Variants in COL8A1 observed in about 807,000 individuals in gnomAD.
COL8A1 encodes collagen alpha-1(VIII) chain.
COL8A1 carries 21 observed loss-of-function variants against 42.7 expected under a neutral mutation model. That is an observed-to-expected ratio of 0.49 (90% CI 0.35 to 0.71). The LOEUF (loss-of-function observed/expected upper bound fraction) is 0.71, where lower values mean the gene tolerates loss of function less well. COL8A1 is among the 30% of genes least tolerant of loss of function. The pLI is 0.01. For synonymous variants in COL8A1, 367 were observed against 369.1 expected, an observed-to-expected ratio of 0.99 and a Z score of 0.06; for missense variants, 788 against 962.4, an observed-to-expected ratio of 0.82 and a Z score of 2.40.
At chr3:99,641,184 C>G (rs1400027629) in intron 1 of COL8A1, among the ~76,000 whole-genome samples, 1 of 151,984 alleles carries the variant, frequency 6.6e-6, no homozygotes, top group Non-Finnish European at 1.5e-5. Context: ...GAAAGAGAAG[C>G]TGGAGGAATC....
intron 1 of COL8A1, among the ~76,000 whole-genome samples, chr3:99,664,761 A>C (rs1160846544): frequency 2.0e-5 from 3 of 152,198 alleles, no homozygotes; most frequent in Non-Finnish European, 2.9e-5. Flanking sequence ...CCTGCTTTCC[A>C]TCGACTGAAG....
At chr3:99,650,414 G>C (rs182513825) in intron 1 of COL8A1, among the ~76,000 whole-genome samples, 165 of 152,140 alleles carry the variant, frequency 1.1e-3, no homozygotes, top group African/African-American at 3.8e-3. Flanking sequence ...GCCATGTATG[G>C]CTACTAAGGA....
Position 99,791,027 on chromosome 3 carries a change from A to G in COL8A1, c.328+17A>G. ...AAGGCAAAGGTAACATCATACTCCC[A>G]GGCTGTTATAAAACAACAGCTTTCC... On this transcript the variant is annotated intron_variant, in intron 3 of 3. Coordinates refer to ENST00000652472, the MANE Select transcript of COL8A1 (RefSeq NM_020351.4). 6.3e-7 allele frequency: 1 copy of G among 1,587,274 alleles called. No homozygotes were observed. The highest frequency in any genetic ancestry group is 2.3e-5 in the East Asian group (1 of 44,440).
chr3:99,711,599 G>T (rs1168773496), intron 1 of COL8A1, among the ~76,000 whole-genome samples: 1 of 152,076 alleles, frequency 6.6e-6, no homozygotes, highest in East Asian at 1.9e-4. Context: ...CCTAATACCT[G>T]GGGGATGTGG....
intron 2 of COL8A1, among the ~76,000 whole-genome samples, chr3:99,749,912 T>C (rs1197348833): frequency 6.6e-6 from 1 of 152,016 alleles, no homozygotes; most frequent in Non-Finnish European, 1.5e-5. Context: ...TATAAACTTT[T>C]ATACAATAAT....
At chr3:99,746,299 A>T (rs1288069104) in intron 2 of COL8A1, among the ~76,000 whole-genome samples, 5 of 152,202 alleles carry the variant, frequency 3.3e-5, no homozygotes, top group Non-Finnish European at 7.3e-5. Flanking sequence ...ATGCAAACCC[A>T]GGGAATAAAA....
chr3:99,686,911 C>T (rs1939070181), intron 1 of COL8A1, among the ~76,000 whole-genome samples: 1 of 152,156 alleles, frequency 6.6e-6, no homozygotes, highest in African/African-American at 2.4e-5. Context: ...ACTCTTGCTG[C>T]CCAGGCTGCA....
chr3:99,777,087 A>G (rs1941708080), intron 2 of COL8A1, among the ~76,000 whole-genome samples: 2 of 152,150 alleles, frequency 1.3e-5, no homozygotes, highest in Admixed American at 1.3e-4. Context: ...CCGGTCTCCT[A>G]TCTCATCCTG....
chr3:99,757,100 C>A (rs895998677), intron 2 of COL8A1, among the ~76,000 whole-genome samples: 8 of 152,100 alleles, frequency 5.3e-5, no homozygotes, highest in Non-Finnish European at 1.2e-4. Flanking sequence ...ATTAGAACTG[C>A]ACCTGGCAAA....
At chr3:99,763,567 GTAT>G (rs988999557) in intron 2 of COL8A1, among the ~76,000 whole-genome samples, 9 of 152,014 alleles carry the variant, frequency 5.9e-5, no homozygotes, top group African/African-American at 1.7e-4. Context: ...TATGAGGTCG[GTAT>G]TATTATTATT....
At chr3:99,651,790 G>A (rs1937856474) in intron 1 of COL8A1, among the ~76,000 whole-genome samples, 1 of 152,234 alleles carries the variant, frequency 6.6e-6, no homozygotes, top group Non-Finnish European at 1.5e-5. Flanking sequence ...GCACAGAGCA[G>A]GACAAGGGCA....
intron 1 of COL8A1, among the ~76,000 whole-genome samples, chr3:99,687,155 A>G (rs998219931): frequency 2.6e-5 from 4 of 152,180 alleles, no homozygotes; most frequent in Non-Finnish European, 5.9e-5. Flanking sequence ...GTAACTGTCC[A>G]TCTCTGAAAA....
At chr3:99,712,758 T>C (rs1170108167) in intron 1 of COL8A1, among the ~76,000 whole-genome samples, 1 of 152,064 alleles carries the variant, frequency 6.6e-6, no homozygotes, top group Middle Eastern at 3.2e-3. Context: ...TGGAGTGACT[T>C]ATCACCCTGG....
intron 1 of COL8A1, among the ~76,000 whole-genome samples, chr3:99,696,488 G>T (rs1035687480): frequency 6.6e-6 from 1 of 152,154 alleles, no homozygotes; most frequent in Non-Finnish European, 1.5e-5. Flanking sequence ...CAGCGGCTAA[G>T]GCAGAAAGAG....
At chr3:99,649,758 C>T (rs140158989) in intron 1 of COL8A1, among the ~76,000 whole-genome samples, 3 of 152,060 alleles carry the variant, frequency 2.0e-5, no homozygotes, top group African/African-American at 7.2e-5. Flanking sequence ...TAAATATGTG[C>T]TCTCTCTTGC....
Position 99,796,140 on chromosome 3 carries a change from C to T in COL8A1, c.*4C>T. 6.9e-7 allele frequency: 1 copy of T among 1,444,486 alleles called. No homozygotes were observed. The highest frequency in any genetic ancestry group is 1.7e-5 in the South Asian group (1 of 58,584). 89.5% of individuals were successfully genotyped at this position (1,444,486 alleles called of 1,614,324 possible). On this transcript the variant is annotated 3_prime_UTR_variant, in exon 4 of 4. Transcript: ENST00000652472. Reference sequence around the variant, plus strand: ...ATATTTATTGTATCCCATGTAAAAACAAAAAAACAAAAAACAAAGAAAAGA... The same window carrying T: ...ATATTTATTGTATCCCATGTAAAAATAAAAAAACAAAAAACAAAGAAAAGA...
chr3:99,674,416 T>C lies in COL8A1; in HGVS notation c.-129+35752T>C, dbSNP rs560375933. ...CTTCTGTTCCATTTTTAATATACCT[T>C]TGAGATAAAGTGTATTGTCTCCTTT... is the stretch of plus-strand genomic sequence containing the variant. On this transcript the variant is annotated intron_variant, in intron 1 of 3. Transcript: ENST00000652472. 8.6e-5 allele frequency among the ~76,000 whole-genome samples: 13 copies of C among 151,892 alleles called. 1 individual carries two copies. The South Asian group carries it at 2.5e-3, about 29-fold the overall frequency.
At chr3:99,733,111 C>G (rs1297743473) in intron 1 of COL8A1, among the ~76,000 whole-genome samples, 3 of 139,274 alleles carry the variant, frequency 2.2e-5, no homozygotes, top group Admixed American at 1.4e-4. Context: ...TCTCTCCCAG[C>G]TTTTTTCTTT....
intron 1 of COL8A1, among the ~76,000 whole-genome samples, chr3:99,727,961 T>C (rs1237364600): frequency 6.6e-6 from 1 of 150,704 alleles, no homozygotes; most frequent in African/African-American, 2.5e-5. Context: ...CTAAAAACTC[T>C]CAATAAATTA....
Sources: gnomAD v4.1 joint callset for allele counts (sites outside exome capture counted in the v4.1 genomes callset) on GRCh38, gnomAD v4.1.1 for gene constraint, MANE v1.5 for transcripts, NCBI Gene and HGNC (gene_info 2026-07-23, HGNC 2026-07-21) for gene names.